The following ZNF280D variants were observed in gnomAD, a reference collection of about 807,000 sequenced individuals.
ZNF280D encodes the protein zinc finger protein 280D, also known as suppressor of hairy wing homolog 4.
A neutral mutation model predicts 94.7 loss-of-function variants in ZNF280D; 39 were observed. The observed-to-expected ratio is 0.41, with a 90% confidence interval of 0.32 to 0.54. The LOEUF is 0.54. Ranked by LOEUF, ZNF280D falls within the 20% of genes least tolerant of loss-of-function variation. ZNF280D has a pLI of 0.22. For synonymous variants in ZNF280D, 398 were observed against 377.6 expected, an observed-to-expected ratio of 1.05 and a Z score of -0.63; for missense variants, 1,090 against 1,149.3, an observed-to-expected ratio of 0.95 and a Z score of 0.75.
At chr15:56,669,953 A>ATATATAATATATATATAT (rs2054683169) in intron 13 of ZNF280D, among the ~76,000 whole-genome samples, 1 of 3,982 alleles carries the variant, frequency 2.5e-4, no homozygotes, top group African/African-American at 9.4e-4. Flanking sequence ...TATATATTAT[A>ATATATAATATATATATAT]TATATATATT....
intron 1 of ZNF280D, among the ~76,000 whole-genome samples, chr15:56,708,706 T>C (rs544446413): frequency 2.0e-5 from 3 of 152,096 alleles, no homozygotes; most frequent in Non-Finnish European, 4.4e-5. Flanking sequence ...TAATACCACA[T>C]ATCTATAACC....
intron 20 of ZNF280D, among the ~76,000 whole-genome samples, chr15:56,641,090 GC>G (rs529577239): frequency 1.6e-3 from 244 of 151,996 alleles, no homozygotes; most frequent in South Asian, 4.1e-3. Context: ...AATAAGCACT[GC>G]CCTCATAATT....
intron 9 of ZNF280D, chr15:56,688,641 T>C (rs2056219109): frequency 6.5e-6 from 1 of 152,758 alleles, no homozygotes; most frequent in African/African-American, 2.4e-5. Context: ...ACTCAGATTT[T>C]CATTGTGTAA....
intron 14 of ZNF280D, among the ~76,000 whole-genome samples, chr15:56,668,526 T>C (rs1203386353): frequency 1.3e-5 from 2 of 152,078 alleles, no homozygotes; most frequent in African/African-American, 2.4e-5. Context: ...AGTCAACATA[T>C]ACACTTTCAA....
chr15:56,709,623 C>T (rs1001338053), intron 1 of ZNF280D, among the ~76,000 whole-genome samples: 11 of 151,914 alleles, frequency 7.2e-5, no homozygotes, highest in Non-Finnish European at 1.6e-4. Flanking sequence ...TGTCCATCAA[C>T]GATAGATTGG....
rs61739871 is a variant in ZNF280D at position 56,632,059 on chromosome 15, G to A, written c.2379C>T (p.Gly793=). The part of the protein sequence containing the change: ...KNGCNANSFE[G]SSTTKSEESI... ...TTTCTTCACTTTTTGTTGTTGATGAGCCTTCAAATGAATTTGCATTACATC... is the reference window on the plus strand; with the variant it reads ...TTTCTTCACTTTTTGTTGTTGATGAACCTTCAAATGAATTTGCATTACATC... The change falls in exon 22 of 22, where the codon GGC becomes GGT. Residue 793 remains glycine (G), a synonymous_variant. Transcript: ENST00000267807. 2.7e-5 allele frequency: 44 copies of A among 1,606,854 alleles called. No individual in the cohort carries two copies. Among genetic ancestry groups the A allele is most frequent in the Non-Finnish European group, 3.6e-5 (42 of 1,177,002 alleles).
intron 9 of ZNF280D, among the ~76,000 whole-genome samples, chr15:56,688,347 C>T (rs1029541428): frequency 4.0e-5 from 6 of 151,660 alleles, no homozygotes; most frequent in South Asian, 2.1e-4. Flanking sequence ...AAAAATTAGC[C>T]GGGCGTGGTG....
rs924727386 is a variant in ZNF280D at position 56,652,840 on chromosome 15, A to C, written c.2213+1358T>G. 12 of 984,076 alleles carry C rather than the reference A, an allele frequency of 1.2e-5. No individual in the cohort carries two copies. The African/African-American group carries it at 2.1e-4, about 17-fold the overall frequency. 61.0% of individuals were successfully genotyped at this position (984,076 alleles called of 1,614,324 possible). A position where few individuals can be genotyped will look rare whatever the true frequency, so the allele number is the denominator to read the frequency against. The stretch of plus-strand genomic sequence containing the variant: ...AATAATGTTTAATGGGCTTAGTAAC[A>C]GCCAAATTTAAAATCTACAAATAGG... On this transcript the variant is annotated intron_variant, in intron 19 of 21. Transcript: ENST00000267807.
At chr15:56,716,885 A>G (rs941532982) in intron 1 of ZNF280D, among the ~76,000 whole-genome samples, 1 of 152,168 alleles carries the variant, frequency 6.6e-6, no homozygotes, top group Non-Finnish European at 1.5e-5. Context: ...TAATTCACAC[A>G]ATATCATGTG....
chr15:56,670,765 C>T (rs1205817913), intron 13 of ZNF280D, among the ~76,000 whole-genome samples: 1 of 152,080 alleles, frequency 6.6e-6, no homozygotes, highest in African/African-American at 2.4e-5. Context: ...AATTGCCACA[C>T]TCTCTTCCAC....
chr15:56,671,943 T>C (rs1321988095), intron 13 of ZNF280D, among the ~76,000 whole-genome samples: 4 of 151,970 alleles, frequency 2.6e-5, no homozygotes, highest in African/African-American at 9.7e-5. Flanking sequence ...TTTCTGGCCA[T>C]TGTGAAGGGG....
At chr15:56,662,457 G>A (rs2054006557) in intron 16 of ZNF280D, among the ~76,000 whole-genome samples, 1 of 152,064 alleles carries the variant, frequency 6.6e-6, no homozygotes. Context: ...AGTTTGTAAT[G>A]TGCTAGGTGA....
At chr15:56,660,596 T>G (rs1596385651) in intron 16 of ZNF280D, among the ~76,000 whole-genome samples, 1 of 152,114 alleles carries the variant, frequency 6.6e-6, no homozygotes, top group East Asian at 1.9e-4. Flanking sequence ...TAGCTCTCCA[T>G]AAAGGTAATA....
At position 56,707,254 on chromosome 15, in the gene ZNF280D, T is replaced by C. The variant is rs2057464282; in HGVS notation, c.-42+9A>G. The C allele has an allele frequency of 1.3e-6, 2 of 1,553,410 alleles. No individual in the cohort carries two copies. The highest frequency in any genetic ancestry group is 4.8e-5 in the East Asian group (2 of 41,958). On this transcript the variant is annotated intron_variant, in intron 2 of 21. Coordinates refer to ENST00000267807, the MANE Select transcript of ZNF280D (RefSeq NM_017661.4). ...AATTATTGGATGTAAGGTTAACCTC[T>C]AAACTCACCATGTGACTCCAGACAA...
At chr15:56,720,556 C>A (rs1428354712) in intron 1 of ZNF280D, among the ~76,000 whole-genome samples, 1 of 152,122 alleles carries the variant, frequency 6.6e-6, no homozygotes, top group African/African-American at 2.4e-5. Flanking sequence ...TGACTCCTTT[C>A]CAGAAGGTTT....
intron 17 of ZNF280D, among the ~76,000 whole-genome samples, chr15:56,656,877 G>A (rs1051559508): frequency 6.6e-6 from 1 of 152,102 alleles, no homozygotes; most frequent in East Asian, 1.9e-4. Context: ...AAAGGGAAGA[G>A]GATACAGTTT....
intron 1 of ZNF280D, among the ~76,000 whole-genome samples, chr15:56,723,179 G>A (rs2058461509): frequency 6.6e-6 from 1 of 151,950 alleles, no homozygotes. Context: ...GTATACGTAT[G>A]TAACTAACCT....
chr15:56,662,830 CAA>C (rs577795987), intron 16 of ZNF280D, among the ~76,000 whole-genome samples: 8 of 50,824 alleles, frequency 1.6e-4, no homozygotes, highest in Admixed American at 4.0e-4. Context: ...GACTCTGTCT[CAA>C]AAAAAAAAAA....
intron 4 of ZNF280D, among the ~76,000 whole-genome samples, chr15:56,701,994 T>C (rs943787558): frequency 2.5e-4 from 36 of 145,470 alleles, no homozygotes; most frequent in African/African-American, 9.1e-4. Flanking sequence ...TTGCCTAAAA[T>C]TGCTGGTTAG....
Sources: allele counts gnomAD v4.1 joint callset (sites outside exome capture counted in the v4.1 genomes callset), GRCh38; gene constraint gnomAD v4.1.1; transcripts MANE v1.5; gene names NCBI Gene and HGNC (gene_info 2026-07-23, HGNC 2026-07-21).